Variants in EIF3K observed in about 807,000 individuals in gnomAD.
EIF3K encodes the protein eIF-3 p28.
Under a neutral mutation model 34.2 loss-of-function variants are expected in EIF3K, and 27 were observed. That is an observed-to-expected ratio of 0.79 (90% CI 0.58 to 1.09). The LOEUF is 1.09. EIF3K is among the 50% of genes least tolerant of loss of function. The probability of loss-of-function intolerance (pLI) is 0.00; values close to 1 mark genes in which losing one functional copy is unlikely to be tolerated. For missense variants in EIF3K, 232 were observed against 275.4 expected, an observed-to-expected ratio of 0.84 and a Z score of 1.11; for synonymous variants, 105 against 105.7, an observed-to-expected ratio of 0.99 and a Z score of 0.04.
intron 4 of EIF3K, among the ~76,000 whole-genome samples, chr19:38,627,709 C>T (rs1414722428): frequency 5.3e-5 from 8 of 151,866 alleles, no homozygotes; most frequent in Non-Finnish European, 7.4e-5. Flanking sequence ...TTCTCACTGG[C>T]GCTCTCTACC....
In EIF3K at chr19:38,632,589, T is replaced by C; in HGVS notation, c.422-12T>C. On this transcript the variant is annotated splice_polypyrimidine_tract_variant and intron_variant, in intron 5 of 7. Coordinates refer to ENST00000248342, the MANE Select transcript of EIF3K (RefSeq NM_013234.4). ...GACAGCTGCTCACCGGTTTTGTCTC[T>C]GACCTCCACAGTTATCTGCCATGTT... The C allele has an allele frequency of 6.2e-7, 1 of 1,613,756 alleles. No homozygotes were observed. The highest frequency in any genetic ancestry group is 1.1e-5 in the South Asian group (1 of 91,052).
rs569060844 is a variant in EIF3K, at chr19:38,636,106, G to A, written c.626-783G>A. Among the ~76,000 whole-genome samples, 121 of 152,344 alleles carry A rather than the reference G, an allele frequency of 7.9e-4. 1 individual carries two copies. Among genetic ancestry groups the A allele is most frequent in the Middle Eastern group, 3.4e-3 (1 of 294 alleles). On this transcript the variant is annotated intron_variant, in intron 7 of 7. Coordinates refer to ENST00000248342, the MANE Select transcript of EIF3K (RefSeq NM_013234.4). ...TGACTGCTGTGTCGGGGTTCTCAGTGAGAACTCCAGCAAAAGATTCTGTAG... is the reference window on the plus strand; with the variant it reads ...TGACTGCTGTGTCGGGGTTCTCAGTAAGAACTCCAGCAAAAGATTCTGTAG...
chr19:38,623,987 A>G, intron 2 of EIF3K, 90 bp from the exon 3 acceptor site: 19 of 1,585,028 alleles, frequency 1.2e-5, no homozygotes, highest in Non-Finnish European at 1.5e-5. Context: ...CCAATTCCCA[A>G]ACTCCAGAAT....
At chr19:38,626,587 G>A (rs1465002533) in intron 4 of EIF3K, among the ~76,000 whole-genome samples, 1 of 152,174 alleles carries the variant, frequency 6.6e-6, no homozygotes, top group Non-Finnish European at 1.5e-5. Context: ...CGAGTGAGCC[G>A]TGATCACACC....
intron 4 of EIF3K, chr19:38,631,026 G>GTCTCGAACTCCTGACC (rs776889163): frequency 3.3e-5 from 5 of 152,308 alleles, no homozygotes; most frequent in Non-Finnish European, 5.9e-5. Flanking sequence ...GGCCAGGGTA[G>GTCTCGAACTCCTGACC]TCTCGAACTC....
intron 4 of EIF3K, among the ~76,000 whole-genome samples, chr19:38,629,725 G>C (rs1439303268): frequency 6.6e-6 from 1 of 152,184 alleles, no homozygotes; most frequent in Non-Finnish European, 1.5e-5. Context: ...GGAGGTGAGG[G>C]TGGTAGCCAT....
intron 7 of EIF3K, chr19:38,635,387 G>C (rs1324603684): frequency 1.9e-6 from 1 of 525,010 alleles, no homozygotes; most frequent in South Asian, 3.1e-5. Context: ...GGCCTCACAG[G>C]GGGTCTCTGC....
chr19:38,630,905 ACCTCAGGTGATCCGCCC>A, intron 4 of EIF3K: 1 of 148,728 alleles, frequency 6.7e-6, no homozygotes, highest in South Asian at 2.1e-4. Flanking sequence ...CGAACTCCCG[ACCTCAGGTGATCCGCCC>A]GCCTCAGCCT....
At chr19:38,633,138 T>C (rs929925171) in intron 6 of EIF3K, among the ~76,000 whole-genome samples, 6 of 152,028 alleles carry the variant, frequency 3.9e-5, no homozygotes, top group African/African-American at 1.4e-4. Context: ...CTTGTAACGT[T>C]CATGGGTAGC....
intron 1 of EIF3K, 119 bp from the exon 2 acceptor site, chr19:38,620,218 C>T (rs1011974917): frequency 4.0e-5 from 30 of 750,034 alleles, no homozygotes; most frequent in African/African-American, 3.3e-4. Context: ...AGCAAGTGGC[C>T]AGTGCCAGAT....
chr19:38,624,986 G>A (rs550281604), intron 3 of EIF3K, among the ~76,000 whole-genome samples: 1 of 152,244 alleles, frequency 6.6e-6, no homozygotes, highest in South Asian at 2.1e-4. Context: ...GCCTCCTGGA[G>A]GAGGGAACAT....
chr19:38,624,053 C>T, intron 2 of EIF3K, 24 bp from the exon 3 acceptor site: 1 of 1,613,804 alleles, frequency 6.2e-7, no homozygotes, highest in Non-Finnish European at 8.5e-7. Flanking sequence ...CCACTGTGGC[C>T]ACGTCTCTTG....
At position 38,629,933 on chromosome 19, in the gene EIF3K, A is replaced by G. The variant is rs1976025606; in HGVS notation, c.355-2497A>G. On this transcript the variant is annotated intron_variant, in intron 4 of 7. Coordinates refer to ENST00000248342, the MANE Select transcript of EIF3K (RefSeq NM_013234.4). The stretch of plus-strand genomic sequence containing the variant: ...TTGGCCTTTTCTCTGAGTGAGACAG[A>G]AGCAAGGGGAGGTGGCTGAATACAC... Among the ~76,000 whole-genome samples, 3 of 152,146 alleles carry G rather than the reference A, an allele frequency of 2.0e-5. No homozygotes were observed. The South Asian group carries it at 6.2e-4, about 31-fold the overall frequency.
chr19:38,625,571 G>A (rs538746987), intron 3 of EIF3K, among the ~76,000 whole-genome samples: 10 of 151,464 alleles, frequency 6.6e-5, no homozygotes, highest in African/African-American at 2.2e-4. Context: ...GTGCAAAGGC[G>A]TGATCTTGGC....
At chr19:38,633,097 T>C (rs2144781222) in intron 6 of EIF3K, among the ~76,000 whole-genome samples, 1 of 152,220 alleles carries the variant, frequency 6.6e-6, no homozygotes, top group South Asian at 2.1e-4. Context: ...CCTGAGGTAG[T>C]GCAGAGGAGG....
In EIF3K at chr19:38,635,006, GGT is replaced by G; in HGVS notation, c.517_518del (p.Trp173AspfsTer18). On this transcript the variant is annotated frameshift_variant, in exon 7 of 8. Transcript: ENST00000248342. LOFTEE classifies it high-confidence loss of function. ...TGTCACCTGCAGACAGCCAGCTAAAGGTGTGGATGAGCAAATACGGCTGGAGT... is the reference window on the plus strand; with the variant it reads ...TGTCACCTGCAGACAGCCAGCTAAAGGTGGATGAGCAAATACGGCTGGAGT... ...LGDLSDSQLK[V>X]WMSKYGWSAD... The G allele has an allele frequency of 1.9e-6, 3 of 1,614,162 alleles. No homozygotes were observed. The highest frequency in any genetic ancestry group is 2.5e-6 in the Non-Finnish European group (3 of 1,180,048).
chr19:38,636,371 TACTC>T (rs1159958548), intron 7 of EIF3K, among the ~76,000 whole-genome samples: 4 of 152,100 alleles, frequency 2.6e-5, no homozygotes, highest in African/African-American at 4.8e-5. Context: ...AGGTTCAAAA[TACTC>T]AGGAGGCTGA....
chr19:38,625,518 C>CTTTTTTTTTTTTTTTTTT (rs58008087), intron 3 of EIF3K, among the ~76,000 whole-genome samples: 1 of 145,778 alleles, frequency 6.9e-6, no homozygotes, highest in African/African-American at 2.6e-5. Context: ...TTAATATTTT[C>CTTTTTTTTTTTTTTTTTT]TTTTTTTTTG....
intron 6 of EIF3K, among the ~76,000 whole-genome samples, chr19:38,633,754 C>T (rs1490260549): frequency 3.3e-5 from 5 of 149,382 alleles, no homozygotes; most frequent in Non-Finnish European, 5.9e-5. Flanking sequence ...AGGCAGATCA[C>T]GTGAGGTCAG....
Sources: gnomAD v4.1 joint callset for allele counts (sites outside exome capture counted in the v4.1 genomes callset) on GRCh38, gnomAD v4.1.1 for gene constraint, MANE v1.5 for transcripts, NCBI Gene and HGNC (gene_info 2026-07-23, HGNC 2026-07-21) for gene names.